The following CAMKMT variants were observed in gnomAD, a reference collection of about 807,000 sequenced individuals.
CAMKMT encodes the protein CaM KMT.
In CAMKMT, 53 loss-of-function variants were observed where a neutral mutation model predicts 48.0. That is an observed-to-expected ratio of 1.10 (90% CI 0.89 to 1.39). The LOEUF (loss-of-function observed/expected upper bound fraction) is 1.39, where lower values mean the gene tolerates loss of function less well. Among genes scored for constraint, CAMKMT ranks in the 40% most tolerant of loss-of-function variants. The pLI is 0.00. For missense variants in CAMKMT, 428 were observed against 402.7 expected (o/e 1.06, Z -0.54); for synonymous variants, 165 against 152.3 (o/e 1.08, Z -0.61).
chr2:44,638,782 A>G (rs1243488053), intron 3 of CAMKMT, among the ~76,000 whole-genome samples: 1 of 152,196 alleles, frequency 6.6e-6, no homozygotes, highest in Non-Finnish European at 1.5e-5. Context: ...TTCAGATACC[A>G]TCTGATTAAT....
chr2:44,685,115 T>C (rs1332250023), intron 3 of CAMKMT, among the ~76,000 whole-genome samples: 1 of 151,734 alleles, frequency 6.6e-6, no homozygotes, highest in Non-Finnish European at 1.5e-5. Flanking sequence ...GCAGTTTATG[T>C]TCAAAGACAA....
At chr2:44,641,268 C>G (rs1673436310) in intron 3 of CAMKMT, among the ~76,000 whole-genome samples, 1 of 152,108 alleles carries the variant, frequency 6.6e-6, no homozygotes, top group African/African-American at 2.4e-5. Context: ...CATAGATGAC[C>G]TACGGTTGCC....
intron 3 of CAMKMT, among the ~76,000 whole-genome samples, chr2:44,407,675 G>A (rs1364894274): frequency 2.0e-5 from 3 of 152,198 alleles, no homozygotes; most frequent in Non-Finnish European, 4.4e-5. Flanking sequence ...ATTTAATGCA[G>A]AAGATATGGG....
chr2:44,496,785 T>C (rs370903644), intron 3 of CAMKMT, among the ~76,000 whole-genome samples: 62 of 152,322 alleles, frequency 4.1e-4, no homozygotes, highest in African/African-American at 1.5e-3. Flanking sequence ...TGGTAATCCA[T>C]GGTAATAGAA....
At chr2:44,469,401 T>C (rs1668300740) in intron 3 of CAMKMT, among the ~76,000 whole-genome samples, 1 of 152,030 alleles carries the variant, frequency 6.6e-6, no homozygotes, top group African/African-American at 2.4e-5. Flanking sequence ...AATCCAAAGA[T>C]TGTGTATTTG....
chr2:44,390,139 T>C, intron 2 of CAMKMT, 102 bp from the exon 3 acceptor site: 1 of 770,094 alleles, frequency 1.3e-6, no homozygotes, highest in Non-Finnish European at 2.2e-6. Flanking sequence ...AATTTATTGC[T>C]ATTGGGTATA....
At chr2:44,553,887 A>C (rs2103663611) in intron 3 of CAMKMT, among the ~76,000 whole-genome samples, 1 of 152,324 alleles carries the variant, frequency 6.6e-6, no homozygotes, top group Middle Eastern at 3.4e-3. Flanking sequence ...TCCCTCTCAT[A>C]AGGTAGCTTT....
intron 3 of CAMKMT, among the ~76,000 whole-genome samples, chr2:44,568,271 C>A (rs976434039): frequency 3.3e-5 from 5 of 152,176 alleles, no homozygotes; most frequent in Non-Finnish European, 7.3e-5. Context: ...TTCATCAGTG[C>A]ATTTGCTTGG....
In CAMKMT at chr2:44,402,065, G is replaced by A. The variant is rs143938695; in HGVS notation, c.376+11760G>A. On this transcript the variant is annotated intron_variant, in intron 3 of 10. Transcript: ENST00000378494. ...GAATTGGCCGGGCGCGGTGGCTCACGCCTATAGTCCCAGGACTTTGGGAGG... is the reference window on the plus strand; with the variant it reads ...GAATTGGCCGGGCGCGGTGGCTCACACCTATAGTCCCAGGACTTTGGGAGG... 3.5e-3 allele frequency among the ~76,000 whole-genome samples: 529 copies of A among 152,176 alleles called. 2 individuals are homozygous for A. Among genetic ancestry groups the A allele is most frequent in the African/African-American group, 0.012 (490 of 41,526 alleles).
intron 3 of CAMKMT, among the ~76,000 whole-genome samples, chr2:44,595,687 A>G (rs1455063620): frequency 6.6e-6 from 1 of 152,232 alleles, no homozygotes. Flanking sequence ...ATGCACATGT[A>G]TGTTTATTGC....
At chr2:44,677,208 A>G (rs947248498) in intron 3 of CAMKMT, among the ~76,000 whole-genome samples, 1 of 152,240 alleles carries the variant, frequency 6.6e-6, no homozygotes, top group Non-Finnish European at 1.5e-5. Flanking sequence ...TTTCATGATT[A>G]AGAGCAGTCG....
chr2:44,521,471 G>A (rs1671106800), intron 3 of CAMKMT, among the ~76,000 whole-genome samples: 1 of 152,090 alleles, frequency 6.6e-6, no homozygotes, highest in Non-Finnish European at 1.5e-5. Context: ...AGTAGAGATG[G>A]GGTTTCACCA....
chr2:44,766,354 A>C (rs1047273707), intron 9 of CAMKMT, 76 bp from the exon 10 acceptor site: 5 of 1,546,630 alleles, frequency 3.2e-6, no homozygotes, highest in Non-Finnish European at 4.4e-6. Context: ...AGTACATTAA[A>C]TGCTTTGACC....
At chr2:44,533,830 G>C (rs368082058) in intron 3 of CAMKMT, among the ~76,000 whole-genome samples, 1 of 152,056 alleles carries the variant, frequency 6.6e-6, no homozygotes, top group East Asian at 1.9e-4. Context: ...AAGGAACAAA[G>C]AATATATAAA....
intron 3 of CAMKMT, among the ~76,000 whole-genome samples, chr2:44,622,575 T>C (rs1236574923): frequency 6.6e-6 from 1 of 152,230 alleles, no homozygotes; most frequent in Non-Finnish European, 1.5e-5. Flanking sequence ...CTCCCACTTA[T>C]AAGTGAGAAC....
intron 3 of CAMKMT, among the ~76,000 whole-genome samples, chr2:44,652,395 A>G (rs1009084742): frequency 6.6e-6 from 1 of 152,156 alleles, no homozygotes; most frequent in Admixed American, 6.5e-5. Context: ...CATGTTTCCT[A>G]GGCTTGCTGA....
chr2:44,419,832 C>T (rs766102370), intron 3 of CAMKMT, among the ~76,000 whole-genome samples: 3 of 152,174 alleles, frequency 2.0e-5, no homozygotes, highest in Non-Finnish European at 4.4e-5. Flanking sequence ...ATAGCCACTG[C>T]ACTCTAGCCT....
intron 3 of CAMKMT, among the ~76,000 whole-genome samples, chr2:44,444,961 G>A (rs1666891561): frequency 1.3e-5 from 2 of 152,122 alleles, no homozygotes; most frequent in African/African-American, 4.8e-5. Flanking sequence ...TCAATTCCAA[G>A]CTTTGGGTCA....
rs531536470 is a variant in CAMKMT at position 44,697,203 on chromosome 2, C to T, written c.377-7080C>T. 4.6e-5 allele frequency among the ~76,000 whole-genome samples: 7 copies of T among 152,240 alleles called. No homozygotes were observed. The East Asian group carries it at 1.4e-3, about 29-fold the overall frequency. ...AATTACCCACTGAATCATGCAAGTT[C>T]TTAAACATTTACCTCTCCTACCCCC... On this transcript the variant is annotated intron_variant, in intron 3 of 10. Transcript: ENST00000378494.
Sources: gnomAD v4.1 joint callset for allele counts (sites outside exome capture counted in the v4.1 genomes callset) on GRCh38, gnomAD v4.1.1 for gene constraint, MANE v1.5 for transcripts, NCBI Gene and HGNC (gene_info 2026-07-23, HGNC 2026-07-21) for gene names.